TMEM272: variants seen among roughly 807,000 people sequenced by gnomAD.
The protein encoded by TMEM272 is transmembrane protein 272, also known as long intergenic non-protein coding RNA 282.
TMEM272 carries 8 observed loss-of-function variants against 3.7 expected under a neutral mutation model. The observed-to-expected ratio is 2.17, with a 90% CI of 1.27 to 3.91. TMEM272 has a LOEUF of 3.91. TMEM272 is among the 30% of genes most tolerant of loss of function. The pLI is 0.00. For missense variants in TMEM272, 166 were observed against 91.5 expected (o/e 1.81, Z -3.32); for synonymous variants, 63 against 39.8 (o/e 1.58, Z -2.20).
At chr13:51,902,562 A>C in the TMEM272 span, among the ~76,000 whole-genome samples, 6 of 152,228 alleles carry the variant, frequency 3.9e-5, no homozygotes, top group African/African-American at 1.4e-4. Flanking sequence ...AACTTGGGAG[A>C]GTCCCATGGT....
the TMEM272 span, among the ~76,000 whole-genome samples, chr13:51,863,674 C>CACAG: frequency 2.9e-4 from 7 of 24,046 alleles, no homozygotes; most frequent in African/African-American, 4.8e-4. Context: ...CGCACACAGA[C>CACAG]ACACACACAC....
intron 1 of TMEM272, 75 bp from the exon 2 acceptor site, chr13:51,838,628 G>A (rs1956235860): frequency 1.4e-6 from 1 of 701,416 alleles, no homozygotes; most frequent in African/African-American, 1.7e-5. Flanking sequence ...CCCTCTCTGT[G>A]CATGTCAGTG....
At chr13:51,933,345 C>T in the TMEM272 span, 8 of 152,120 alleles carry the variant, frequency 5.3e-5, no homozygotes, top group Admixed American at 5.2e-4. Context: ...TAATAGCTAC[C>T]CTGCTGGTTG....
At chr13:51,915,348 A>C in the TMEM272 span, among the ~76,000 whole-genome samples, 1 of 152,274 alleles carries the variant, frequency 6.6e-6, no homozygotes, top group African/African-American at 2.4e-5. Flanking sequence ...CTAAAGATAC[A>C]ATAGCTGCAG....
At chr13:51,878,534 A>G in the TMEM272 span, among the ~76,000 whole-genome samples, 77 of 152,300 alleles carry the variant, frequency 5.1e-4, no homozygotes, top group South Asian at 0.015. Flanking sequence ...ATTACCTCCC[A>G]TGAGGTCCCT....
chr13:51,859,084 G>C, the TMEM272 span, among the ~76,000 whole-genome samples: 1 of 151,884 alleles, frequency 6.6e-6, no homozygotes, highest in East Asian at 1.9e-4. Context: ...CTGTTTGGCA[G>C]TTCACTGAAA....
chr13:51,910,778 C>A, the TMEM272 span, among the ~76,000 whole-genome samples: 1 of 152,266 alleles, frequency 6.6e-6, no homozygotes, highest in African/African-American at 2.4e-5. Context: ...ATCTGGAGGA[C>A]ACGAGCACCC....
intron 1 of TMEM272, among the ~76,000 whole-genome samples, chr13:51,840,293 C>T (rs540645344): frequency 3.9e-5 from 6 of 152,284 alleles, no homozygotes; most frequent in East Asian, 3.9e-4. Flanking sequence ...AAGGAGGTCA[C>T]GGTGCCTCCC....
chr13:51,910,984 A>G, the TMEM272 span, among the ~76,000 whole-genome samples: 1 of 152,234 alleles, frequency 6.6e-6, no homozygotes, highest in African/African-American at 2.4e-5. Flanking sequence ...AGGTGAGGCC[A>G]GCAGAAGAAA....
the TMEM272 span, among the ~76,000 whole-genome samples, chr13:51,930,251 A>G: frequency 6.6e-6 from 1 of 152,294 alleles, no homozygotes; most frequent in African/African-American, 2.4e-5. Context: ...AATTTCCATT[A>G]ATTCTTTTCA....
In TMEM272 at chr13:51,838,499, T is replaced by G. The variant is rs554737621; in HGVS notation, c.32A>C (p.Gln11Pro). MPGGLEKTCH[Q>P]CISKIASNAC... is the part of the protein sequence containing the mutation. ...ATTGCTGGCGATTTTAGAAATGCAC[T>G]GATGACACGTTTTCTCCAGACCTCC... The change falls in exon 2 of 5, where the codon CAG becomes CCG. Residue 11 changes from glutamine (Q) to proline (P), a missense_variant. Physicochemically the swap from Gln to Pro is moderately conservative, Grantham distance 76. Coordinates refer to ENST00000629372, the MANE Select transcript of TMEM272 (RefSeq NM_001351003.2). 2 of 703,060 alleles carry G rather than the reference T, an allele frequency of 2.8e-6. No individual in the cohort carries two copies. The highest frequency in any genetic ancestry group is 5.2e-6 in the Non-Finnish European group (2 of 385,006). 43.6% of individuals were successfully genotyped at this position (703,060 alleles called of 1,614,324 possible).
upstream of TMEM272, among the ~76,000 whole-genome samples, chr13:51,846,963 ATCAC>A (rs1244793726): frequency 1.3e-5 from 2 of 152,232 alleles, no homozygotes; most frequent in African/African-American, 4.8e-5. Context: ...ACATTCACTA[ATCAC>A]TCACTCACTG....
At chr13:51,912,554 C>T in the TMEM272 span, among the ~76,000 whole-genome samples, 2 of 152,354 alleles carry the variant, frequency 1.3e-5, no homozygotes, top group African/African-American at 4.8e-5. Flanking sequence ...CTTTCTCTTT[C>T]TTTCACTAAA....
the TMEM272 span, among the ~76,000 whole-genome samples, chr13:51,924,585 G>A: frequency 9.9e-5 from 15 of 152,128 alleles, 1 homozygote; most frequent in African/African-American, 3.6e-4. Context: ...GGGGCAGAGA[G>A]GGGATGGTGG....
In TMEM272 at chr13:51,816,936, A is replaced by G. The variant is rs774730825; in HGVS notation, c.379T>C (p.Phe127Leu). 1.4e-6 allele frequency: 1 copy of G among 703,090 alleles called. No homozygotes were observed. The highest frequency in any genetic ancestry group is 1.5e-5 in the South Asian group (1 of 67,608). The allele number at this position is 703,090 out of a possible 1,614,324, so 43.6% of individuals were successfully genotyped here. Reference sequence around the variant, plus strand: ...AGAAAATCAGGCAGGTACACAGAAAAGACCCAGTAGTTTCCCAGGATGAAC... The same window carrying G: ...AGAAAATCAGGCAGGTACACAGAAAGGACCCAGTAGTTTCCCAGGATGAAC... ...LWFILGNYWV[F>L]SVYLPDFLPP... The change falls in exon 5 of 5, where the codon TTT becomes CTT. Residue 127 changes from phenylalanine (F) to leucine (L), a missense_variant. Phe to Leu is a conservative substitution (Grantham distance 22). Coordinates refer to ENST00000629372, the MANE Select transcript of TMEM272 (RefSeq NM_001351003.2).
At chr13:51,928,599 G>A in the TMEM272 span, among the ~76,000 whole-genome samples, 1 of 152,194 alleles carries the variant, frequency 6.6e-6, no homozygotes, top group Non-Finnish European at 1.5e-5. Context: ...CAGGTTTCCT[G>A]TGGACTGCCC....
the TMEM272 span, chr13:51,865,999 C>G: frequency 3.1e-6 from 5 of 1,613,182 alleles, no homozygotes; most frequent in South Asian, 1.1e-5. Flanking sequence ...GCCACATTGC[C>G]GGAGAGCAGA....
the TMEM272 span, among the ~76,000 whole-genome samples, chr13:51,912,568 C>T: frequency 2.6e-5 from 4 of 152,210 alleles, no homozygotes; most frequent in Non-Finnish European, 5.9e-5. Flanking sequence ...CACTAAACTT[C>T]CTCCCTAATT....
chr13:51,831,474 A>G (rs1298568052), intron 2 of TMEM272, among the ~76,000 whole-genome samples: 1 of 152,226 alleles, frequency 6.6e-6, no homozygotes, highest in African/African-American at 2.4e-5. Flanking sequence ...TGTTTCTGTA[A>G]GCTGGCTAGA....
Sources: allele counts gnomAD v4.1 joint callset (sites outside exome capture counted in the v4.1 genomes callset), GRCh38; gene constraint gnomAD v4.1.1; transcripts MANE v1.5; gene names NCBI Gene and HGNC (gene_info 2026-07-23, HGNC 2026-07-21).